ERAP2: variants seen among roughly 807,000 people sequenced by gnomAD.
ERAP2 encodes the protein leukocyte-derived arginine aminopeptidase.
A neutral mutation model predicts 111.1 loss-of-function variants in ERAP2; 118 were observed. That is an observed-to-expected ratio of 1.06 (90% CI 0.92 to 1.24). The LOEUF (loss-of-function observed/expected upper bound fraction) is 1.24, where lower values mean the gene tolerates loss of function less well. ERAP2 is among the 50% of genes most tolerant of loss of function. The pLI is 0.00. For synonymous variants in ERAP2, 410 were observed against 401.2 expected, an observed-to-expected ratio of 1.02 and a Z score of -0.26; for missense variants, 1,131 against 1,125.8, an observed-to-expected ratio of 1.00 and a Z score of -0.07.
intron 6 of ERAP2, among the ~76,000 whole-genome samples, chr5:96,894,368 A>G (rs1282622221): frequency 1.3e-5 from 2 of 152,206 alleles, no homozygotes; most frequent in Non-Finnish European, 2.9e-5. Context: ...CAGAAAAGGA[A>G]TAGTGCTTAA....
At position 96,913,377 on chromosome 5, in the gene ERAP2, T is replaced by G; in HGVS notation, c.2577T>G (p.Leu859=). The change falls in exon 17 of 19, where the codon CTT becomes CTG. Residue 859 remains leucine (L), a synonymous_variant. Coordinates refer to ENST00000437043, the MANE Select transcript of ERAP2 (RefSeq NM_022350.5). ...VIKTQNLAAL[L]HAIARRPKGQ... ...AGACACAGAACTTGGCAGCTCTCCT[T>G]CATGCGATTGCCAGACGTCCAAAGG... 1 of 1,614,060 alleles carries G rather than the reference T, an allele frequency of 6.2e-7. No individual in the cohort carries two copies. Among genetic ancestry groups the G allele is most frequent in the East Asian group, 2.2e-5 (1 of 44,874 alleles).
chr5:96,878,009 G>C (rs1782730021), intron 1 of ERAP2, among the ~76,000 whole-genome samples: 1 of 152,186 alleles, frequency 6.6e-6, no homozygotes, highest in Non-Finnish European at 1.5e-5. Context: ...AACCTTCATG[G>C]TTTGAGTTGG....
chr5:96,908,355 C>G (rs183451212), intron 13 of ERAP2, among the ~76,000 whole-genome samples: 2 of 152,268 alleles, frequency 1.3e-5, no homozygotes, highest in East Asian at 3.9e-4. Flanking sequence ...AATAATAAAC[C>G]TGTTATTTAT....
At chr5:96,911,064 T>G (rs1786680543) in intron 15 of ERAP2, among the ~76,000 whole-genome samples, 1 of 152,240 alleles carries the variant, frequency 6.6e-6, no homozygotes, top group Non-Finnish European at 1.5e-5. Context: ...TTTAAGTACA[T>G]ATAGTATAGA....
intron 7 of ERAP2, 99 bp downstream of exon 7, chr5:96,895,458 G>A (rs1383496943): frequency 2.3e-6 from 2 of 878,072 alleles, no homozygotes; most frequent in Non-Finnish European, 3.6e-6. Flanking sequence ...ACTACATAAT[G>A]TTGTGGTTTT....
At chr5:96,883,149 C>T (rs1181465900) in intron 2 of ERAP2, among the ~76,000 whole-genome samples, 2 of 152,178 alleles carry the variant, frequency 1.3e-5, no homozygotes, top group South Asian at 2.1e-4. Flanking sequence ...GAAAGTCCAG[C>T]TCCTTGCCTC....
chr5:96,878,900 C>G (rs1416110283), intron 1 of ERAP2, among the ~76,000 whole-genome samples: 2 of 152,108 alleles, frequency 1.3e-5, no homozygotes, highest in Non-Finnish European at 2.9e-5. Flanking sequence ...TGCATTCCAA[C>G]CTGGACAACA....
chr5:96,910,379 TAA>T (rs60829431), intron 15 of ERAP2: 2 of 152,112 alleles, frequency 1.3e-5, no homozygotes, highest in East Asian at 3.8e-4. Context: ...TTCTTCTTTT[TAA>T]AAAAGTAATT....
intron 5 of ERAP2, among the ~76,000 whole-genome samples, chr5:96,892,088 A>T (rs915508031): frequency 6.6e-6 from 1 of 152,174 alleles, no homozygotes; most frequent in Non-Finnish European, 1.5e-5. Context: ...TCATCTACAA[A>T]ACTCTTTGTA....
At chr5:96,887,520 G>A (rs1035117149) in intron 4 of ERAP2, among the ~76,000 whole-genome samples, 5 of 152,068 alleles carry the variant, frequency 3.3e-5, no homozygotes, top group Non-Finnish European at 7.4e-5. Context: ...GGCTGGTTTT[G>A]AACTCCTGAC....
intron 3 of ERAP2, among the ~76,000 whole-genome samples, chr5:96,884,529 AATT>A (rs1249927427): frequency 6.6e-6 from 1 of 150,418 alleles, no homozygotes; most frequent in African/African-American, 2.5e-5. Flanking sequence ...TATTTATGAA[AATT>A]ATTAATTGTG....
intron 2 of ERAP2, chr5:96,881,581 A>G: frequency 2.3e-6 from 1 of 436,640 alleles, no homozygotes; most frequent in Non-Finnish European, 4.6e-6. Flanking sequence ...ACAGGGGCAT[A>G]TTTTTCTCAT....
At position 96,918,085 on chromosome 5, in the gene ERAP2, C is replaced by G. The variant is rs2112460288; in HGVS notation, c.*480C>G. The stretch of plus-strand genomic sequence containing the variant: ...AAATCAGGCAGTGCAGCTGCCTGCT[C>G]TCAGCTATCGTATCCAGCCAAAAGA... On this transcript the variant is annotated 3_prime_UTR_variant, in exon 19 of 19. Transcript: ENST00000437043. 1 of 152,644 alleles carries G rather than the reference C, an allele frequency of 6.6e-6. No homozygotes were observed. Among genetic ancestry groups the G allele is most frequent in the Non-Finnish European group, 1.5e-5 (1 of 68,248 alleles). The allele number at this position is 152,644 out of a possible 1,614,324, so 9.5% of individuals were successfully genotyped here.
chr5:96,889,226 T>C lies in ERAP2; in HGVS notation c.891T>C (p.His297=). The C allele has an allele frequency of 6.2e-7, 1 of 1,614,140 alleles. No individual in the cohort carries two copies. The highest frequency in any genetic ancestry group is 8.5e-7 in the Non-Finnish European group (1 of 1,179,988). Reference sequence around the variant, plus strand: ...CCCCAGACAAACGGAATCAAACACATTATGCTTTGCAGGCATCACTGAAGC... The same window carrying C: ...CCCCAGACAAACGGAATCAAACACACTATGCTTTGCAGGCATCACTGAAGC... ...YASPDKRNQT[H]YALQASLKLL... The change falls in exon 5 of 19, where the codon CAT becomes CAC. Residue 297 remains histidine, a synonymous_variant. Transcript: ENST00000437043.
At chr5:96,879,084 C>T (rs111240662) in intron 1 of ERAP2, among the ~76,000 whole-genome samples, 6,029 of 151,802 alleles carry the variant, frequency 0.04, 136 homozygotes, top group South Asian at 0.069. Flanking sequence ...CCGAGTGTGG[C>T]GGTGTGTGTC....
At position 96,904,439 on chromosome 5, in the gene ERAP2, A is replaced by G. The variant is rs147787393; in HGVS notation, c.2012+879A>G. ...ATTGAGTGAAAGTGACCAGCAGGAC[A>G]TCTCTGAGACAAAGTTTCTCGGTAC... On this transcript the variant is annotated intron_variant, in intron 13 of 18. Coordinates refer to ENST00000437043, the MANE Select transcript of ERAP2 (RefSeq NM_022350.5). 2.4e-4 allele frequency among the ~76,000 whole-genome samples: 36 copies of G among 152,332 alleles called. No individual in the cohort carries two copies. In the East Asian group the frequency reaches 6.9e-3, roughly 29 times the overall value.
chr5:96,892,254 G>A (rs371076065), intron 5 of ERAP2, 45 bp from the exon 6 acceptor site: 15 of 1,599,144 alleles, frequency 9.4e-6, no homozygotes, highest in Admixed American at 1.7e-5. Flanking sequence ...TCTATTTCTG[G>A]TGTGGGAGCC....
rs751559114 is a variant in ERAP2, at chr5:96,879,925, C to G, written c.240C>G (p.Leu80=). Residue 80 remains leucine, a synonymous_variant, in exon 2 of 19, where the codon CTC becomes CTG. Coordinates refer to ENST00000437043, the MANE Select transcript of ERAP2 (RefSeq NM_022350.5). ...TGGTCATTCCTCTCCATTATGACCTCTTTGTCCACCCCAATCTCACCTCTC... is the reference window on the plus strand; with the variant it reads ...TGGTCATTCCTCTCCATTATGACCTGTTTGTCCACCCCAATCTCACCTCTC... ...PSVVIPLHYD[L]FVHPNLTSLD... is the part of the protein sequence containing the mutation. 1.2e-6 allele frequency: 2 copies of G among 1,614,156 alleles called. No homozygotes were observed. The highest frequency in any genetic ancestry group is 1.1e-5 in the South Asian group (1 of 91,088).
intron 3 of ERAP2, among the ~76,000 whole-genome samples, chr5:96,886,253 G>A (rs375397157): frequency 1.3e-5 from 2 of 152,110 alleles, no homozygotes; most frequent in Admixed American, 6.5e-5. Context: ...TTTCCACAGG[G>A]GTGTACTTCT....
Sources: allele counts gnomAD v4.1 joint callset (sites outside exome capture counted in the v4.1 genomes callset), GRCh38; gene constraint gnomAD v4.1.1; transcripts MANE v1.5; gene names NCBI Gene and HGNC (gene_info 2026-07-23, HGNC 2026-07-21).